The following LRP1B variants were observed in gnomAD, a reference collection of about 807,000 sequenced individuals.
LRP1B encodes low-density lipoprotein receptor-related protein 1B.
In LRP1B, 217 loss-of-function variants were observed where a neutral mutation model predicts 556.6. The ratio of observed to expected loss-of-function variants is 0.39; its 90% CI spans 0.35 to 0.44. The LOEUF (loss-of-function observed/expected upper bound fraction) is 0.44, where lower values mean the gene tolerates loss of function less well. Among genes scored for constraint, LRP1B ranks in the 20% least tolerant of loss-of-function variants. The pLI, the probability that LRP1B is intolerant of heterozygous loss-of-function variation, is 1.00. For missense variants in LRP1B, 5,053 were observed against 5,620.8 expected, an observed-to-expected ratio of 0.90 and a Z score of 3.23; for synonymous variants, 2,047 against 1,865.8, an observed-to-expected ratio of 1.10 and a Z score of -2.50.
In LRP1B at chr2:140,840,099, A is replaced by G. The variant is rs769369476; in HGVS notation, c.5115-14T>C. On this transcript the variant is annotated splice_polypyrimidine_tract_variant and intron_variant, in intron 30 of 90. Transcript: ENST00000389484. ...CAGTAGAGTTTTCTTAATTCAAAAG[A>G]CATATGGATTGAAAATATTAGATGT... 6.7e-7 allele frequency: 1 copy of G among 1,501,430 alleles called. No individual in the cohort carries two copies. Among genetic ancestry groups the G allele is most frequent in the Admixed American group, 1.9e-5 (1 of 52,636 alleles). The allele number at this position is 1,501,430 out of a possible 1,614,324, so 93.0% of individuals were successfully genotyped here.
chr2:141,012,576 T>C (rs920616936), intron 14 of LRP1B, among the ~76,000 whole-genome samples: 1 of 152,002 alleles, frequency 6.6e-6, no homozygotes, highest in Non-Finnish European at 1.5e-5. Context: ...TTCTAAAAGA[T>C]AATTTTATCT....
chr2:141,265,453 G>A (rs934731156), intron 3 of LRP1B, among the ~76,000 whole-genome samples: 4 of 152,166 alleles, frequency 2.6e-5, no homozygotes, highest in East Asian at 1.9e-4. Context: ...AGGATTCTGC[G>A]CTAGAACTGT....
chr2:141,775,829 T>G (rs1217837028), intron 2 of LRP1B, among the ~76,000 whole-genome samples: 1 of 151,360 alleles, frequency 6.6e-6, no homozygotes, highest in Non-Finnish European at 1.5e-5. Flanking sequence ...ATGGATGTAC[T>G]CATCAGGTTT....
In LRP1B at chr2:142,023,254, C is replaced by T. The variant is rs114110185; in HGVS notation, c.82+107394G>A. On this transcript the variant is annotated intron_variant, in intron 1 of 90. Transcript: ENST00000389484. ...AGCTGATGCAATAAATATATTGTTGCCTTCTCTCCAGCCCATTTTCAATGC... is the reference window on the plus strand; with the variant it reads ...AGCTGATGCAATAAATATATTGTTGTCTTCTCTCCAGCCCATTTTCAATGC... Among the ~76,000 whole-genome samples, 1,454 of 152,242 alleles carry T rather than the reference C, an allele frequency of 9.6e-3. 8 individuals are homozygous for T. The highest frequency in any genetic ancestry group is 0.016 in the Non-Finnish European group (1,086 of 68,012).
rs1682639663 is a variant in LRP1B, at chr2:140,364,035, G to T, written c.11131+626C>A. ...GATCTAAAATTAGACTTTTATATTT[G>T]TTGGTCTCATAAGCATACACCGGAC... On this transcript the variant is annotated intron_variant, in intron 72 of 90. Transcript: ENST00000389484. 2.0e-5 allele frequency among the ~76,000 whole-genome samples: 3 copies of T among 151,696 alleles called. No individual in the cohort carries two copies. The Admixed American group carries it at 2.0e-4, about 10-fold the overall frequency.
intron 84 of LRP1B, among the ~76,000 whole-genome samples, chr2:140,283,301 G>C (rs935014904): frequency 1.3e-5 from 2 of 151,564 alleles, no homozygotes; most frequent in African/African-American, 2.4e-5. Flanking sequence ...TTAAACTTTA[G>C]TGCATAGTGC....
At chr2:140,542,702 G>T (rs1680181943) in intron 43 of LRP1B, among the ~76,000 whole-genome samples, 1 of 152,092 alleles carries the variant, frequency 6.6e-6, no homozygotes, top group Admixed American at 6.6e-5. Context: ...GACAGAAACA[G>T]AGCCCAGAGA....
chr2:140,322,179 A>C, intron 81 of LRP1B, 91 bp from the exon 82 acceptor site: 1 of 1,228,542 alleles, frequency 8.1e-7, no homozygotes, highest in East Asian at 2.4e-5. Flanking sequence ...ATGATTAATT[A>C]GCAATGTTGA....
At chr2:140,542,868 T>C (rs1351851778) in intron 43 of LRP1B, among the ~76,000 whole-genome samples, 1 of 152,132 alleles carries the variant, frequency 6.6e-6, no homozygotes, top group African/African-American at 2.4e-5. Context: ...TGCGTGCACA[T>C]GTGTGCGAGC....
chr2:141,734,600 A>T (rs1012390782), intron 2 of LRP1B, among the ~76,000 whole-genome samples: 1 of 152,102 alleles, frequency 6.6e-6, no homozygotes, highest in African/African-American at 2.4e-5. Context: ...TTTAAATGAC[A>T]TTAAGTTTTC....
At chr2:141,847,290 T>C (rs181066538) in intron 1 of LRP1B, among the ~76,000 whole-genome samples, 21 of 151,624 alleles carry the variant, frequency 1.4e-4, no homozygotes, top group Admixed American at 1.4e-3. Context: ...TAAATGAACT[T>C]AAAAGAAGTG....
At chr2:141,477,275 C>T (rs1244124504) in intron 3 of LRP1B, among the ~76,000 whole-genome samples, 1 of 145,184 alleles carries the variant, frequency 6.9e-6, no homozygotes, top group Non-Finnish European at 1.5e-5. Context: ...GTAAAAATAA[C>T]CGAGTTAGAC....
At chr2:140,951,603 T>G (rs76559781) in intron 19 of LRP1B, among the ~76,000 whole-genome samples, 5,688 of 152,270 alleles carry the variant, frequency 0.037, 159 homozygotes, top group South Asian at 0.096. Context: ...ACTACATGTT[T>G]GTAGAATTAG....
At chr2:141,635,384 A>G (rs1689077624) in intron 2 of LRP1B, among the ~76,000 whole-genome samples, 1 of 152,022 alleles carries the variant, frequency 6.6e-6, no homozygotes, top group South Asian at 2.1e-4. Flanking sequence ...AATGAAACAT[A>G]TATGTTAATT....
chr2:140,326,265 A>G (rs185768844), intron 79 of LRP1B, among the ~76,000 whole-genome samples: 18 of 152,066 alleles, frequency 1.2e-4, no homozygotes, highest in Admixed American at 3.9e-4. Context: ...CATTTATCGG[A>G]CCATTATTTA....
chr2:142,122,238 CA>C (rs907425825), intron 1 of LRP1B, among the ~76,000 whole-genome samples: 60 of 151,994 alleles, frequency 3.9e-4, no homozygotes, highest in African/African-American at 1.4e-3. Flanking sequence ...CAAAGGAAGT[CA>C]AAATGTGCTA....
At chr2:142,083,555 T>G (rs192987187) in intron 1 of LRP1B, among the ~76,000 whole-genome samples, 2 of 152,346 alleles carry the variant, frequency 1.3e-5, no homozygotes, top group East Asian at 3.9e-4. Flanking sequence ...ATATGTATTT[T>G]ATGCTTGATA....
rs145525612 is a variant in LRP1B at position 141,408,299 on chromosome 2, C to G, written c.343+72097G>C. 1.3e-4 allele frequency among the ~76,000 whole-genome samples: 20 copies of G among 152,036 alleles called. No individual in the cohort carries two copies. The South Asian group carries it at 3.1e-3, about 24-fold the overall frequency. ...CTGGGGCTACAGGTACCCGCCACCA[C>G]GCGCAGCTAATTTTTTTTGTATTTT... On this transcript the variant is annotated intron_variant, in intron 3 of 90. Coordinates refer to ENST00000389484, the MANE Select transcript of LRP1B (RefSeq NM_018557.3).
In LRP1B at chr2:140,238,310, A is replaced by G. The variant is rs761154055; in HGVS notation, c.13416-14T>C. 4.3e-6 allele frequency: 6 copies of G among 1,383,612 alleles called. No homozygotes were observed. The highest frequency in any genetic ancestry group is 6.1e-6 in the Non-Finnish European group (6 of 984,758). The allele number at this position is 1,383,612 out of a possible 1,614,324, so 85.7% of individuals were successfully genotyped here. A position where few individuals can be genotyped will look rare whatever the true frequency, so the allele number is the denominator to read the frequency against. ...ATTGTTTTTGTCCTAGAATATATAA[A>G]CATTAATATGTGTGAGTTTTGTATA... is the stretch of plus-strand genomic sequence containing the variant. On this transcript the variant is annotated splice_polypyrimidine_tract_variant and intron_variant, in intron 88 of 90. Coordinates refer to ENST00000389484, the MANE Select transcript of LRP1B (RefSeq NM_018557.3).
Sources: gnomAD v4.1 joint callset for allele counts (sites outside exome capture counted in the v4.1 genomes callset) on GRCh38, gnomAD v4.1.1 for gene constraint, MANE v1.5 for transcripts, NCBI Gene and HGNC (gene_info 2026-07-23, HGNC 2026-07-21) for gene names.